Variants in CNTN5 observed in about 807,000 individuals in gnomAD.
The protein encoded by CNTN5 is contactin 5.
In CNTN5, 77 loss-of-function variants were observed where a neutral mutation model predicts 129.1. The ratio of observed to expected loss-of-function variants is 0.60; its 90% CI spans 0.50 to 0.72. The LOEUF is 0.72. CNTN5 is among the 30% of genes least tolerant of loss of function. The pLI, the probability that CNTN5 is intolerant of heterozygous loss-of-function variation, is 0.00. For synonymous variants in CNTN5, 509 were observed against 465.6 expected, an observed-to-expected ratio of 1.09 and a Z score of -1.20; for missense variants, 1,478 against 1,328.8, an observed-to-expected ratio of 1.11 and a Z score of -1.75.
chr11:99,033,780 C>T lies in CNTN5; in HGVS notation c.-210+12510C>T, dbSNP rs571913289. On this transcript the variant is annotated intron_variant, in intron 1 of 24. Coordinates refer to ENST00000524871, the MANE Select transcript of CNTN5 (RefSeq NM_014361.4). ...TTTATTTCCTTCACCTGCCTAATTG[C>T]CCTGGCCAGAACTTCCAACACTATG... Among the ~76,000 whole-genome samples, 16 of 152,190 alleles carry T rather than the reference C, an allele frequency of 1.1e-4. No individual in the cohort carries two copies. The East Asian group carries it at 2.9e-3, about 28-fold the overall frequency.
intron 3 of CNTN5, among the ~76,000 whole-genome samples, chr11:99,573,017 C>A (rs2466890): frequency 1 from 152,300 of 152,300 alleles, 76,150 homozygotes; most frequent in Non-Finnish European, 1. Context: ...TTAAAATAGC[C>A]AAATATGATG....
chr11:99,758,323 T>G lies in CNTN5; in HGVS notation c.56-61221T>G, dbSNP rs368446890. Among the ~76,000 whole-genome samples the G allele has an allele frequency of 2.6e-5, 4 of 152,044 alleles. No individual in the cohort carries two copies. In the East Asian group the frequency reaches 7.7e-4, roughly 29 times the overall value. On this transcript the variant is annotated intron_variant, in intron 3 of 24. Coordinates refer to ENST00000524871, the MANE Select transcript of CNTN5 (RefSeq NM_014361.4). ...ATGGAAAGTATTATATTAGGAATTA[T>G]GAAAAACAGAAGTATTATATGATCC...
intron 15 of CNTN5, among the ~76,000 whole-genome samples, chr11:100,195,349 T>C (rs1230957027): frequency 6.6e-6 from 1 of 152,032 alleles, no homozygotes; most frequent in African/African-American, 2.4e-5. Flanking sequence ...CTGGTGAAGT[T>C]ACATGAATTA....
At chr11:99,906,787 G>T (rs1481890079) in intron 6 of CNTN5, among the ~76,000 whole-genome samples, 1 of 151,780 alleles carries the variant, frequency 6.6e-6, no homozygotes, top group Non-Finnish European at 1.5e-5. Context: ...GCTTTTTTTT[G>T]GTTGGTAGGC....
chr11:99,786,619 A>C (rs530973420), intron 3 of CNTN5, among the ~76,000 whole-genome samples: 6 of 152,250 alleles, frequency 3.9e-5, no homozygotes, highest in Non-Finnish European at 5.9e-5. Context: ...ACAAAGCTGC[A>C]TTAATGGAAA....
intron 24 of CNTN5, among the ~76,000 whole-genome samples, chr11:100,351,554 A>G (rs1277983558): frequency 6.6e-6 from 1 of 151,088 alleles, no homozygotes; most frequent in African/African-American, 2.4e-5. Flanking sequence ...CCAAAACCAC[A>G]TATCTCCATC....
intron 15 of CNTN5, among the ~76,000 whole-genome samples, chr11:100,195,135 A>G (rs1332480446): frequency 6.6e-6 from 1 of 152,024 alleles, no homozygotes; most frequent in East Asian, 1.9e-4. Flanking sequence ...GATGTTGTAA[A>G]ACAGACCAAG....
At chr11:100,167,776 T>G (rs1947688417) in intron 13 of CNTN5, among the ~76,000 whole-genome samples, 1 of 151,414 alleles carries the variant, frequency 6.6e-6, no homozygotes, top group African/African-American at 2.4e-5. Context: ...AGTAGTGGAG[T>G]GAAGGAGCTA....
At chr11:99,998,868 T>A (rs1170248589) in intron 8 of CNTN5, among the ~76,000 whole-genome samples, 4 of 148,122 alleles carry the variant, frequency 2.7e-5, no homozygotes, top group East Asian at 2.1e-4. Flanking sequence ...TACAGCTATC[T>A]GATCTTTGAC....
At chr11:99,531,158 G>C (rs996321636) in intron 2 of CNTN5, among the ~76,000 whole-genome samples, 4 of 152,150 alleles carry the variant, frequency 2.6e-5, no homozygotes, top group African/African-American at 9.7e-5. Flanking sequence ...AGACTGAGGT[G>C]GTCTCAGATG....
chr11:99,315,470 G>T (rs1382735328), intron 1 of CNTN5, among the ~76,000 whole-genome samples: 1 of 149,352 alleles, frequency 6.7e-6, no homozygotes, highest in Non-Finnish European at 1.5e-5. Context: ...GTTGAACTTT[G>T]GAGATGGAAA....
intron 6 of CNTN5, among the ~76,000 whole-genome samples, chr11:99,894,956 T>C (rs1949166516): frequency 6.6e-6 from 1 of 152,218 alleles, no homozygotes; most frequent in Non-Finnish European, 1.5e-5. Flanking sequence ...CAGAGTATTT[T>C]TCTTGACATG....
At chr11:99,042,529 C>T (rs889813470) in intron 1 of CNTN5, among the ~76,000 whole-genome samples, 40 of 151,858 alleles carry the variant, frequency 2.6e-4, no homozygotes, top group African/African-American at 9.7e-4. Flanking sequence ...GCGCCCGCCA[C>T]CACACCCGGC....
At chr11:99,168,538 C>T (rs563957962) in intron 1 of CNTN5, among the ~76,000 whole-genome samples, 1 of 151,612 alleles carries the variant, frequency 6.6e-6, no homozygotes, top group South Asian at 2.1e-4. Context: ...TGAGACCACA[C>T]CATTGCACTC....
At chr11:99,901,630 T>A (rs1949360483) in intron 6 of CNTN5, among the ~76,000 whole-genome samples, 1 of 152,182 alleles carries the variant, frequency 6.6e-6, no homozygotes, top group African/African-American at 2.4e-5. Context: ...TAGAATGGTT[T>A]ATTTTTTTCT....
intron 1 of CNTN5, among the ~76,000 whole-genome samples, chr11:99,305,652 A>G (rs774152717): frequency 1.8e-4 from 27 of 152,148 alleles, no homozygotes; most frequent in Non-Finnish European, 3.2e-4. Flanking sequence ...TTTATATAAT[A>G]AGAAGAAAAG....
At chr11:99,773,591 GA>G (rs558450976) in intron 3 of CNTN5, among the ~76,000 whole-genome samples, 27 of 151,152 alleles carry the variant, frequency 1.8e-4, no homozygotes, top group Non-Finnish European at 2.2e-4. Context: ...TTACACATAG[GA>G]AAAAAAATGG....
At chr11:99,855,299 C>T (rs1456910991) in intron 6 of CNTN5, among the ~76,000 whole-genome samples, 1 of 152,040 alleles carries the variant, frequency 6.6e-6, no homozygotes, top group Non-Finnish European at 1.5e-5. Flanking sequence ...TGAACTCTTT[C>T]TCAGAAAAAC....
chr11:99,049,829 AAGGACTG>A (rs1202382632), intron 1 of CNTN5: 1 of 152,180 alleles, frequency 6.6e-6, no homozygotes, highest in Non-Finnish European at 1.5e-5. Context: ...CTGGTAAAAA[AAGGACTG>A]AAAATCAAAT....
Sources: gnomAD v4.1 joint callset for allele counts (sites outside exome capture counted in the v4.1 genomes callset) on GRCh38, gnomAD v4.1.1 for gene constraint, MANE v1.5 for transcripts, NCBI Gene and HGNC (gene_info 2026-07-23, HGNC 2026-07-21) for gene names.